Variants in CNOT4 observed in about 807,000 individuals in gnomAD.
The protein encoded by CNOT4 is CCR4-associated factor 4.
Under a neutral mutation model 73.8 loss-of-function variants are expected in CNOT4, and 8 were observed. The ratio of observed to expected loss-of-function variants is 0.11; its 90% confidence interval spans 0.06 to 0.20. The LOEUF is 0.20. CNOT4 is among the 10% of genes least tolerant of loss of function. The pLI is 1.00. For synonymous variants in CNOT4, 293 were observed against 321.1 expected (o/e 0.91, Z 0.94); for missense variants, 564 against 883.4 (o/e 0.64, Z 4.58).
chr7:135,477,711 C>T lies in CNOT4; in HGVS notation c.-93+32178G>A, dbSNP rs145843655. 4.6e-3 allele frequency among the ~76,000 whole-genome samples: 702 copies of T among 152,154 alleles called. 3 individuals are homozygous for T. The highest frequency in any genetic ancestry group is 6.8e-3 in the Middle Eastern group (2 of 294). On this transcript the variant is annotated intron_variant, in intron 1 of 11. Coordinates refer to ENST00000541284, the MANE Select transcript of CNOT4 (RefSeq NM_001190850.2). Reference sequence around the variant, plus strand: ...ATAATTTAATAAACACACAACTGACCCTCCTGTTTCCAATCTGGTAACACA... The same window carrying T: ...ATAATTTAATAAACACACAACTGACTCTCCTGTTTCCAATCTGGTAACACA...
At position 135,363,233 on chromosome 7, in the gene CNOT4, AAAG is replaced by A. The variant is rs1164988774; in HGVS notation, c.1841-50_1841-48del. 1 of 1,577,978 alleles carries A rather than the reference AAAG, an allele frequency of 6.3e-7. No homozygotes were observed. Among genetic ancestry groups the A allele is most frequent in the African/African-American group, 1.3e-5 (1 of 74,266 alleles). On this transcript the variant is annotated intron_variant, in intron 11 of 11. Coordinates refer to ENST00000541284, the MANE Select transcript of CNOT4 (RefSeq NM_001190850.2). This position sits in a 1 kb window ranked among gnomAD's most constrained non-coding sequence, Gnocchi z 4.3. ...GAGGGAAAATGGTGAGTTTGTGTGG[AAAG>A]AATAAGGTCGTCAAACAAATTTAGA...
intron 1 of CNOT4, among the ~76,000 whole-genome samples, chr7:135,502,507 C>G (rs1274657197): frequency 6.6e-6 from 1 of 152,160 alleles, no homozygotes; most frequent in Non-Finnish European, 1.5e-5. Flanking sequence ...GTTCCATAAG[C>G]AAAGTCTGTT....
chr7:135,457,537 T>C (rs7810503), intron 1 of CNOT4, among the ~76,000 whole-genome samples: 11,387 of 152,150 alleles, frequency 0.075, 604 homozygotes, highest in Middle Eastern at 0.14. Context: ...ATTTAAACTT[T>C]AAGAATAATA....
intron 10 of CNOT4, chr7:135,384,559 A>G (rs7779374): frequency 0.083 from 56,537 of 681,472 alleles, 2,699 homozygotes; most frequent in Middle Eastern, 0.15. Flanking sequence ...TGTTGGGATT[A>G]CAGGCGTGAG....
At chr7:135,438,056 G>T (rs1585642868) in intron 2 of CNOT4, 102 bp downstream of exon 2, 1 of 610,954 alleles carries the variant, frequency 1.6e-6, no homozygotes, top group East Asian at 2.8e-5. Context: ...ATATAATCAG[G>T]TGAGGTTTGC....
At chr7:135,391,660 C>A (rs947713991) in intron 10 of CNOT4, among the ~76,000 whole-genome samples, 1 of 151,982 alleles carries the variant, frequency 6.6e-6, no homozygotes. Context: ...CTACTTTAGA[C>A]GAAGATTTTA....
At chr7:135,473,893 T>C (rs1801807926) in intron 1 of CNOT4, among the ~76,000 whole-genome samples, 1 of 152,090 alleles carries the variant, frequency 6.6e-6, no homozygotes, top group Non-Finnish European at 1.5e-5. Context: ...AGTAGAATAG[T>C]ACTGTTTATG....
chr7:135,372,811 T>C lies in CNOT4; in HGVS notation c.1628-8745A>G, dbSNP rs139493799. Among the ~76,000 whole-genome samples, 1,024 of 152,230 alleles carry C rather than the reference T, an allele frequency of 6.7e-3. 13 individuals are homozygous for C. Among genetic ancestry groups the C allele is most frequent in the African/African-American group, 0.023 (973 of 41,536 alleles). On this transcript the variant is annotated intron_variant, in intron 10 of 11. Transcript: ENST00000541284. ...ACCTCGTGATCCACCAGCCTCAGCCTCCCAAAGTGCTGGGATTACAGGCGT... is the reference window on the plus strand; with the variant it reads ...ACCTCGTGATCCACCAGCCTCAGCCCCCCAAAGTGCTGGGATTACAGGCGT...
intron 1 of CNOT4, among the ~76,000 whole-genome samples, chr7:135,494,142 T>C (rs1024283238): frequency 2.0e-5 from 3 of 149,606 alleles, no homozygotes; most frequent in East Asian, 3.9e-4. Context: ...TCCTATATAG[T>C]GTCCATCAAT....
At chr7:135,483,653 G>T (rs147991039) in intron 1 of CNOT4, among the ~76,000 whole-genome samples, 3 of 151,898 alleles carry the variant, frequency 2.0e-5, no homozygotes, top group African/African-American at 7.3e-5. Flanking sequence ...AGGAAACCCC[G>T]TCTCTACAAA....
intron 1 of CNOT4, among the ~76,000 whole-genome samples, chr7:135,476,258 G>T (rs1199097517): frequency 6.6e-6 from 1 of 152,110 alleles, no homozygotes; most frequent in Non-Finnish European, 1.5e-5. Flanking sequence ...GAGAAAGGAA[G>T]AGGACACCTA....
chr7:135,495,747 A>G (rs912619195), intron 1 of CNOT4, among the ~76,000 whole-genome samples: 5 of 125,312 alleles, frequency 4.0e-5, no homozygotes, highest in South Asian at 2.9e-4. Context: ...AGAAAGAAAG[A>G]AAGAAAGAAA....
At chr7:135,431,149 C>T (rs1181241604) in intron 2 of CNOT4, among the ~76,000 whole-genome samples, 1 of 152,100 alleles carries the variant, frequency 6.6e-6, no homozygotes, top group Non-Finnish European at 1.5e-5. Context: ...CCTATAGTCC[C>T]ACCTATTGGG....
chr7:135,400,454 T>G (rs1173815441), intron 7 of CNOT4, among the ~76,000 whole-genome samples: 1 of 152,016 alleles, frequency 6.6e-6, no homozygotes, highest in African/African-American at 2.4e-5. Flanking sequence ...AAGAAAGATA[T>G]TACAAAGGAC....
intron 1 of CNOT4, among the ~76,000 whole-genome samples, chr7:135,496,114 AAG>A (rs1803562630): frequency 6.6e-6 from 1 of 152,056 alleles, no homozygotes; most frequent in South Asian, 2.1e-4. Flanking sequence ...TTTTTGAGAC[AAG>A]AGGTCTCACT....
In CNOT4 at chr7:135,394,123, C is replaced by A; in HGVS notation, c.1422G>T (p.Gln474His). The change falls in exon 10 of 12, where the codon CAG (glutamine) becomes CAT (histidine). Residue 474 changes from glutamine (Q) to histidine (H), a missense_variant. Gln to His is a conservative substitution (Grantham distance 24). Coordinates refer to ENST00000541284, the MANE Select transcript of CNOT4 (RefSeq NM_001190850.2). ...GGTGCTGCTGAAATTGAGGGAACCT[C>A]TGGGGCAAGACTGAAAAGGTACTAT... The part of the protein sequence containing the change: ...SLNSTFSVLP[Q>H]RFPQFQQHRA... The A allele has an allele frequency of 1.2e-6, 2 of 1,614,152 alleles. No homozygotes were observed. The highest frequency in any genetic ancestry group is 4.5e-5 in the East Asian group (2 of 44,884).
intron 10 of CNOT4, among the ~76,000 whole-genome samples, chr7:135,377,197 CTT>C (rs1795567992): frequency 6.6e-6 from 1 of 152,320 alleles, no homozygotes; most frequent in African/African-American, 2.4e-5. Flanking sequence ...GCTGGGGAAA[CTT>C]AAACACACAT....
At chr7:135,489,391 C>CT (rs71174525) in intron 1 of CNOT4, among the ~76,000 whole-genome samples, 3,890 of 84,722 alleles carry the variant, frequency 0.046, 153 homozygotes, top group African/African-American at 0.079. Context: ...AGTCACATTT[C>CT]TTTTTTTTTT....
chr7:135,425,252 G>A (rs1328372507), intron 2 of CNOT4, among the ~76,000 whole-genome samples: 1 of 152,214 alleles, frequency 6.6e-6, no homozygotes, highest in Non-Finnish European at 1.5e-5. Context: ...AGAACTGGCA[G>A]AATGTGACAA....
Sources: allele counts gnomAD v4.1 joint callset (sites outside exome capture counted in the v4.1 genomes callset), GRCh38; gene constraint gnomAD v4.1.1; non-coding constraint Gnocchi (gnomAD v3.1); transcripts MANE v1.5; gene names NCBI Gene and HGNC (gene_info 2026-07-23, HGNC 2026-07-21).